UGT1A10: variants seen among roughly 807,000 people sequenced by gnomAD.
UGT1A10 encodes UDP glucuronosyltransferase family 1 member A10.
UGT1A10 carries 49 observed loss-of-function variants against 45.8 expected under a neutral mutation model. That is an observed-to-expected ratio of 1.07 (90% CI 0.85 to 1.36). UGT1A10 has a LOEUF of 1.36. Ranked by LOEUF, UGT1A10 falls within the 40% of genes most tolerant of loss-of-function variation. The probability of loss-of-function intolerance (pLI) is 0.00; values close to 1 mark genes in which losing one functional copy is unlikely to be tolerated. For missense variants in UGT1A10, 745 were observed against 668.6 expected (o/e 1.11, Z -1.26); for synonymous variants, 284 against 249.7 (o/e 1.14, Z -1.29).
Position 233,772,514 on chromosome 2 carries a change from GA to G in UGT1A10, c.1554del (p.Arg520GlufsTer22). ...CAYGYRKCLG[K>X]KGRVKKAHKS... ...CTTATGGCTACCGGAAATGCTTGGGGAAAAAAGGGCGAGTTAAGAAAGCCCA... is the reference window on the plus strand; with the variant it reads ...CTTATGGCTACCGGAAATGCTTGGGGAAAAAGGGCGAGTTAAGAAAGCCCA... On this transcript the variant is annotated frameshift_variant, in exon 5 of 5. Coordinates refer to ENST00000344644, the MANE Select transcript of UGT1A10 (RefSeq NM_019075.4). LOFTEE classifies it high-confidence loss of function. 6.2e-7 allele frequency: 1 copy of G among 1,614,126 alleles called. No individual in the cohort carries two copies. Among genetic ancestry groups the G allele is most frequent in the Non-Finnish European group, 8.5e-7 (1 of 1,180,014 alleles).
chr2:233,659,929 C>T (rs2073932628), intron 1 of UGT1A10, among the ~76,000 whole-genome samples: 1 of 152,186 alleles, frequency 6.6e-6, no homozygotes, highest in African/African-American at 2.4e-5. Context: ...TTCAAAAGCA[C>T]TCATCTCATC....
intron 1 of UGT1A10, among the ~76,000 whole-genome samples, chr2:233,639,899 T>C (rs1206811518): frequency 1.3e-5 from 2 of 152,210 alleles, no homozygotes; most frequent in African/African-American, 4.8e-5. Context: ...AACATTGAAA[T>C]AGTTTTAATG....
In UGT1A10 at chr2:233,676,599, C is replaced by A. The variant is rs566895330; in HGVS notation, c.855+39222C>A. ...CACCTGAAATGTAGTCATCATGTCT[C>A]CTTTGTCTCCTCCAGCCTGTGACGG... On this transcript the variant is annotated intron_variant, in intron 1 of 4. Transcript: ENST00000344644. Among the ~76,000 whole-genome samples, 4 of 152,256 alleles carry A rather than the reference C, an allele frequency of 2.6e-5. No individual in the cohort carries two copies. The South Asian group carries it at 8.3e-4, about 32-fold the overall frequency.
At chr2:233,709,707 T>A (rs1363464719) in intron 1 of UGT1A10, among the ~76,000 whole-genome samples, 1 of 152,230 alleles carries the variant, frequency 6.6e-6, no homozygotes, top group Admixed American at 6.5e-5. Flanking sequence ...TGTTCTTTTT[T>A]AATTGAATGA....
chr2:233,717,541 C>G (rs1044536522), intron 1 of UGT1A10, among the ~76,000 whole-genome samples: 14 of 152,370 alleles, frequency 9.2e-5, no homozygotes, highest in Non-Finnish European at 1.5e-4. Flanking sequence ...GAAGCCTCAG[C>G]CTCACCAGCA....
chr2:233,750,847 G>C (rs534611009), intron 1 of UGT1A10: 1 of 152,014 alleles, frequency 6.6e-6, no homozygotes, highest in African/African-American at 2.4e-5. Flanking sequence ...GGAAATGCTT[G>C]GATGTCCAGG....
At chr2:233,768,057 G>A in intron 3 of UGT1A10, 121 bp downstream of exon 3, 2 of 1,602,426 alleles carry the variant, frequency 1.2e-6, no homozygotes, top group Non-Finnish European at 1.7e-6. Flanking sequence ...ATCCTACATT[G>A]CTTTTTATCT....
intron 1 of UGT1A10, chr2:233,729,725 C>T (rs780989099): frequency 6.2e-7 from 1 of 1,613,968 alleles, no homozygotes; most frequent in South Asian, 1.1e-5. Flanking sequence ...TTACTAACAA[C>T]CAATTCAGAC....
chr2:233,735,465 A>C (rs1036180168), intron 1 of UGT1A10, among the ~76,000 whole-genome samples: 1 of 151,962 alleles, frequency 6.6e-6, no homozygotes, highest in Admixed American at 6.6e-5. Context: ...TCTTTATCCA[A>C]TTTGCCAGTC....
chr2:233,704,256 CTTT>C (rs59925871), intron 1 of UGT1A10, among the ~76,000 whole-genome samples: 4 of 123,652 alleles, frequency 3.2e-5, no homozygotes, highest in Non-Finnish European at 4.9e-5. Flanking sequence ...GCCTTTATTG[CTTT>C]TTTTTTTTTT....
intron 1 of UGT1A10, chr2:233,760,103 T>C: frequency 1.7e-6 from 2 of 1,163,022 alleles, no homozygotes; most frequent in Non-Finnish European, 2.3e-6. Context: ...TGTTGCCTAT[T>C]AAGAAACCTA....
At chr2:233,666,504 C>T (rs1374593909) in intron 1 of UGT1A10, among the ~76,000 whole-genome samples, 1 of 152,088 alleles carries the variant, frequency 6.6e-6, no homozygotes, top group Non-Finnish European at 1.5e-5. Flanking sequence ...GGGTTATTCT[C>T]TGTTCAAATC....
intron 1 of UGT1A10, among the ~76,000 whole-genome samples, chr2:233,666,968 T>C (rs1371940856): frequency 6.6e-6 from 1 of 152,150 alleles, no homozygotes; most frequent in Non-Finnish European, 1.5e-5. Flanking sequence ...GTCCCTACAA[T>C]GGACATGAAC....
At chr2:233,747,803 A>G in intron 1 of UGT1A10, 1 of 1,613,426 alleles carries the variant, frequency 6.2e-7, no homozygotes, top group African/African-American at 1.3e-5. Context: ...TTCCTAAGTT[A>G]CTAACGACCA....
At chr2:233,655,618 A>G (rs1226722101) in intron 1 of UGT1A10, among the ~76,000 whole-genome samples, 4 of 152,170 alleles carry the variant, frequency 2.6e-5, no homozygotes, top group African/African-American at 9.7e-5. Flanking sequence ...TGTTTCGCCA[A>G]AAGAGTTTCA....
chr2:233,767,996 A>AG (rs1699544638), intron 3 of UGT1A10, 60 bp downstream of exon 3: 2 of 1,614,194 alleles, frequency 1.2e-6, no homozygotes, highest in Non-Finnish European at 1.7e-6. Flanking sequence ...AAATGGCTTA[A>AG]GCACAGCTAT....
intron 1 of UGT1A10, chr2:233,753,490 A>G (rs1695218587): frequency 6.6e-6 from 1 of 152,190 alleles, no homozygotes. Flanking sequence ...GCTGCTCTTA[A>G]TTTTTTTCAG....
rs1372667993 is a variant in UGT1A10 at position 233,718,421 on chromosome 2, A to G, written c.856-48613A>G. On this transcript the variant is annotated intron_variant, in intron 1 of 4. Coordinates refer to ENST00000344644, the MANE Select transcript of UGT1A10 (RefSeq NM_019075.4). Reference sequence around the variant, plus strand: ...AATAGCGTCACATTCAGCAGAGAACATGTGGTTGGGGACTAGGGCAATGGT... The same window carrying G: ...AATAGCGTCACATTCAGCAGAGAACGTGTGGTTGGGGACTAGGGCAATGGT... Among the ~76,000 whole-genome samples, 6 of 152,220 alleles carry G rather than the reference A, an allele frequency of 3.9e-5. No homozygotes were observed. The South Asian group carries it at 1.0e-3, about 26-fold the overall frequency.
chr2:233,766,617 A>C lies in UGT1A10; in HGVS notation c.856-417A>C, dbSNP rs34737611. Reference sequence around the variant, plus strand: ...CCAGGGACCACACCCTCTTCTACCCAGCACTTCCCTTCCCTACTTCCATAT... The same window carrying C: ...CCAGGGACCACACCCTCTTCTACCCCGCACTTCCCTTCCCTACTTCCATAT... On this transcript the variant is annotated intron_variant, in intron 1 of 4. Transcript: ENST00000344644. Among the ~76,000 whole-genome samples, 23 of 152,284 alleles carry C rather than the reference A, an allele frequency of 1.5e-4. No individual in the cohort carries two copies. In the East Asian group the frequency reaches 4.3e-3, roughly 28 times the overall value.
Sources: gnomAD v4.1 joint callset for allele counts (sites outside exome capture counted in the v4.1 genomes callset) on GRCh38, gnomAD v4.1.1 for gene constraint, MANE v1.5 for transcripts, NCBI Gene and HGNC (gene_info 2026-07-23, HGNC 2026-07-21) for gene names.